The following CCL17 variants were observed in gnomAD, a reference collection of about 807,000 sequenced individuals.
The protein encoded by CCL17 is C-C motif chemokine 17.
Under a neutral mutation model 7.4 loss-of-function variants are expected in CCL17, and 8 were observed. The observed-to-expected ratio is 1.09, with a 90% CI of 0.64 to 1.96. The LOEUF (loss-of-function observed/expected upper bound fraction) is 1.96, where lower values mean the gene tolerates loss of function less well. Among genes scored for constraint, CCL17 ranks in the 30% most tolerant of loss-of-function variants. The pLI, the probability that CCL17 is intolerant of heterozygous loss-of-function variation, is 0.00. For synonymous variants in CCL17, 40 were observed against 46.1 expected, an observed-to-expected ratio of 0.87 and a Z score of 0.54; for missense variants, 102 against 113.0, an observed-to-expected ratio of 0.90 and a Z score of 0.44.
the CCL17 span, among the ~76,000 whole-genome samples, chr16:57,398,481 C>T: frequency 1.3e-5 from 2 of 152,206 alleles, no homozygotes; most frequent in Admixed American, 1.3e-4. Context: ...GGTTCCCATT[C>T]TACTAGATGG....
At chr16:57,404,198 C>G (rs773779304), upstream of CCL17, among the ~76,000 whole-genome samples, 1 of 152,104 alleles carries the variant, frequency 6.6e-6, no homozygotes, top group Non-Finnish European at 1.5e-5. Flanking sequence ...GGGTCTTGGA[C>G]TTGTCCTCTG....
chr16:57,410,261 C>T (rs1902762861), intron 1 of CCL17, among the ~76,000 whole-genome samples: 1 of 152,220 alleles, frequency 6.6e-6, no homozygotes. Context: ...CCATATCTGC[C>T]TGGCCCAGTG....
At chr16:57,405,901 G>A (rs1223486500) in intron 1 of CCL17, among the ~76,000 whole-genome samples, 1 of 151,832 alleles carries the variant, frequency 6.6e-6, no homozygotes, top group Non-Finnish European at 1.5e-5. Context: ...AATTAGCCGG[G>A]CATGGTGGCG....
At position 57,415,467 on chromosome 16, in the gene CCL17, C is replaced by A. The variant is rs149466673; in HGVS notation, c.188+269C>A. Among the ~76,000 whole-genome samples, 437 of 152,382 alleles carry A rather than the reference C, an allele frequency of 2.9e-3. 3 individuals are homozygous for A. The highest frequency in any genetic ancestry group is 8.7e-3 in the South Asian group (42 of 4,834). On this transcript the variant is annotated intron_variant, in intron 3 of 3. Transcript: ENST00000219244. The surrounding 1 kb of genome is among the most constrained non-coding windows in gnomAD (Gnocchi z 4.5). The stretch of plus-strand genomic sequence containing the variant: ...GTCAGGGGCAATGTGGTCACCTCCC[C>A]CAGCCTGGGCCTGAGCCCTGCCCGC...
chr16:57,401,137 G>A (rs1902585786), upstream of CCL17, among the ~76,000 whole-genome samples: 1 of 151,988 alleles, frequency 6.6e-6, no homozygotes, highest in Non-Finnish European at 1.5e-5. Flanking sequence ...TATACATTTG[G>A]CATATATCAA....
chr16:57,399,315 C>T, the CCL17 span, among the ~76,000 whole-genome samples: 1 of 152,152 alleles, frequency 6.6e-6, no homozygotes, highest in South Asian at 2.1e-4. Context: ...CTGGGGCCCT[C>T]TTTCTAGAGT....
At chr16:57,399,297 C>T in the CCL17 span, among the ~76,000 whole-genome samples, 7 of 152,272 alleles carry the variant, frequency 4.6e-5, no homozygotes, top group African/African-American at 1.2e-4. Context: ...GAAATCCCAT[C>T]CACATGGCTG....
chr16:57,399,430 G>A, the CCL17 span, among the ~76,000 whole-genome samples: 2 of 152,004 alleles, frequency 1.3e-5, no homozygotes, highest in South Asian at 2.1e-4. Context: ...ATAAGACATT[G>A]ACCTTCTTTT....
chr16:57,415,958 GGA>G lies in CCL17; in HGVS notation c.*99_*100del, dbSNP rs1220708921. The G allele has an allele frequency of 1.3e-6, 1 of 768,074 alleles. No homozygotes were observed. The highest frequency in any genetic ancestry group is 2.3e-6 in the Non-Finnish European group (1 of 440,340). 47.6% of individuals were successfully genotyped at this position (768,074 alleles called of 1,614,324 possible). A position where few individuals can be genotyped will look rare whatever the true frequency, so the allele number is the denominator to read the frequency against. ...CCCACCCTGAGCGCCTGGGTCCAGG[GGA>G]GGCCTTCCAGGGACGAAGAAGAGCC... is the stretch of plus-strand genomic sequence containing the variant. On this transcript the variant is annotated 3_prime_UTR_variant, in exon 4 of 4. Transcript: ENST00000219244. The surrounding 1 kb of genome is among the most constrained non-coding windows in gnomAD (Gnocchi z 4.5).
At chr16:57,406,916 G>A (rs1157784983) in intron 1 of CCL17, among the ~76,000 whole-genome samples, 2 of 152,150 alleles carry the variant, frequency 1.3e-5, no homozygotes, top group Admixed American at 6.5e-5. Context: ...CCAATGTAAG[G>A]CAGTGGGAGG....
the CCL17 span, among the ~76,000 whole-genome samples, chr16:57,396,231 A>C: frequency 3.3e-5 from 5 of 152,266 alleles, no homozygotes; most frequent in Middle Eastern, 3.4e-3. Flanking sequence ...TTCCTGGGGC[A>C]ATGTCAATGT....
the CCL17 span, among the ~76,000 whole-genome samples, chr16:57,396,648 C>A: frequency 2.0e-5 from 3 of 152,208 alleles, no homozygotes; most frequent in Non-Finnish European, 4.4e-5. Context: ...TAAACCTAGA[C>A]TGTTTGTTAA....
chr16:57,414,745 G>A (rs1223221259), intron 2 of CCL17, among the ~76,000 whole-genome samples: 1 of 152,060 alleles, frequency 6.6e-6, no homozygotes, highest in African/African-American at 2.4e-5. Context: ...AATGAAATAA[G>A]GTTGCCAGGT....
At position 57,415,273 on chromosome 16, in the gene CCL17, G is replaced by A. The variant is rs1254146160; in HGVS notation, c.188+75G>A. On this transcript the variant is annotated intron_variant, in intron 3 of 3. Coordinates refer to ENST00000219244, the MANE Select transcript of CCL17 (RefSeq NM_002987.3). This position sits in a 1 kb window ranked among gnomAD's most constrained non-coding sequence, Gnocchi z 4.5. ...AAGTGCACCCTGGAGCTCCCAGGAC[G>A]GCCAATGGGGAGCAGGGAAGAGACA... 3.1e-5 allele frequency: 30 copies of A among 962,358 alleles called. No homozygotes were observed. The highest frequency in any genetic ancestry group is 2.1e-4 in the Middle Eastern group (1 of 4,814). The allele number at this position is 962,358 out of a possible 1,614,324, so 59.6% of individuals were successfully genotyped here.
upstream of CCL17, among the ~76,000 whole-genome samples, chr16:57,403,876 C>T (rs990626018): frequency 5.3e-5 from 8 of 150,720 alleles, no homozygotes; most frequent in Admixed American, 2.0e-4. Context: ...AGGCTGGTCT[C>T]GAACCCCTGA....
At chr16:57,408,241 C>T (rs933100338) in intron 1 of CCL17, among the ~76,000 whole-genome samples, 2 of 151,950 alleles carry the variant, frequency 1.3e-5, no homozygotes, top group Non-Finnish European at 2.9e-5. Flanking sequence ...TCCATCCATC[C>T]GTCCATTCTT....
chr16:57,399,080 G>T, the CCL17 span, among the ~76,000 whole-genome samples: 18 of 152,278 alleles, frequency 1.2e-4, no homozygotes, highest in Non-Finnish European at 2.2e-4. Flanking sequence ...AGGGTGTAGG[G>T]GTTGGGTACA....
In CCL17 at chr16:57,415,894, C is replaced by CAGGTAGTCCCGGGAGACA; in HGVS notation, c.*33_*34insAGGTAGTCCCGGGAGACA. ...TCACCCCAGACTCCTGACTGTCTCC[C>CAGGTAGTCCCGGGAGACA]GGGACTACCTGGGACCTCCACCGTT... On this transcript the variant is annotated 3_prime_UTR_variant, in exon 4 of 4. Transcript: ENST00000219244. This position sits in a 1 kb window ranked among gnomAD's most constrained non-coding sequence, Gnocchi z 4.5. 7.1e-7 allele frequency: 1 copy of CAGGTAGTCCCGGGAGACA among 1,409,094 alleles called. No homozygotes were observed. The highest frequency in any genetic ancestry group is 1.0e-6 in the Non-Finnish European group (1 of 993,500). 87.3% of individuals were successfully genotyped at this position (1,409,094 alleles called of 1,614,324 possible).
chr16:57,413,421 C>T (rs1160857318), intron 1 of CCL17, among the ~76,000 whole-genome samples: 1 of 151,644 alleles, frequency 6.6e-6, no homozygotes, highest in African/African-American at 2.4e-5. Flanking sequence ...GGGCCCATGC[C>T]CGGCAGCCAG....
Sources: allele counts gnomAD v4.1 joint callset (sites outside exome capture counted in the v4.1 genomes callset), GRCh38; gene constraint gnomAD v4.1.1; non-coding constraint Gnocchi (gnomAD v3.1); transcripts MANE v1.5; gene names NCBI Gene and HGNC (gene_info 2026-07-23, HGNC 2026-07-21).